SPPL2A: variants seen among roughly 807,000 people sequenced by gnomAD.
SPPL2A encodes the protein signal peptide peptidase like 2A.
A neutral mutation model predicts 63.8 loss-of-function variants in SPPL2A; 51 were observed. The observed-to-expected ratio is 0.80, with a 90% CI of 0.64 to 1.01. The LOEUF (loss-of-function observed/expected upper bound fraction) is 1.01. SPPL2A is among the 50% of genes least tolerant of loss of function. SPPL2A has a pLI of 0.00. For missense variants in SPPL2A, 553 were observed against 622.7 expected, an observed-to-expected ratio of 0.89 and a Z score of 1.19; for synonymous variants, 188 against 205.8, an observed-to-expected ratio of 0.91 and a Z score of 0.74.
At position 50,725,283 on chromosome 15, in the gene SPPL2A, G is replaced by A; in HGVS notation, c.1187C>T (p.Ser396Leu). 6.2e-7 allele frequency: 1 copy of A among 1,608,282 alleles called. No individual in the cohort carries two copies. Among genetic ancestry groups the A allele is most frequent in the Non-Finnish European group, 8.5e-7 (1 of 1,176,428 alleles). ...AGGCATGAGGCACACACTCATTACT[G>A]AGAAATAGATCAGTTTTGGTACTCT... Reference protein sequence around the residue: ...VIRVPKLIYFSVMSVCLMPVS... With the variant: ...VIRVPKLIYFLVMSVCLMPVS... The change falls in exon 12 of 15, where the codon TCA (serine) becomes TTA (leucine). Residue 396 changes from serine to leucine, a missense_variant. By Grantham distance (145) the Ser-to-Leu change is moderately radical (BLOSUM62 -2). Coordinates refer to ENST00000261854, the MANE Select transcript of SPPL2A (RefSeq NM_032802.4).
intron 14 of SPPL2A, among the ~76,000 whole-genome samples, chr15:50,712,755 G>A (rs563387673): frequency 7.2e-6 from 1 of 138,722 alleles, no homozygotes; most frequent in Non-Finnish European, 1.5e-5. Flanking sequence ...TCTCGATCTC[G>A]GCTCACTTCA....
intron 14 of SPPL2A, among the ~76,000 whole-genome samples, chr15:50,709,771 TAGAG>T (rs951009986): frequency 9.9e-5 from 15 of 151,090 alleles, no homozygotes; most frequent in African/African-American, 2.9e-4. Context: ...GCCTGGGCAA[TAGAG>T]AGAGAGACCC....
Position 50,722,205 on chromosome 15 carries a change from A to AAAAAC in SPPL2A, c.1250-9_1250-5dup, listed in dbSNP as rs764616424. 1.6e-5 allele frequency: 25 copies of AAAAAC among 1,552,948 alleles called. No individual in the cohort carries two copies. In the South Asian group the frequency reaches 2.7e-4, roughly 17 times the overall value. ...CTACAGTATGCAATCAACAGGCCTT[A>AAAAAC]AAAACAAAACAAAACATTATTTTCT... On this transcript the variant is annotated splice_polypyrimidine_tract_variant and splice_region_variant and intron_variant, in intron 12 of 14. Coordinates refer to ENST00000261854, the MANE Select transcript of SPPL2A (RefSeq NM_032802.4).
chr15:50,756,039 T>C (rs2062954750), intron 1 of SPPL2A, among the ~76,000 whole-genome samples: 1 of 151,926 alleles, frequency 6.6e-6, no homozygotes, highest in South Asian at 2.1e-4. Flanking sequence ...TCAATTAAGT[T>C]GGGAAACATA....
chr15:50,738,309 G>T (rs565096763), intron 6 of SPPL2A, among the ~76,000 whole-genome samples: 3 of 152,154 alleles, frequency 2.0e-5, no homozygotes, highest in African/African-American at 7.2e-5. Context: ...AGCACTTTGG[G>T]AGGCCAAGGC....
At chr15:50,731,218 T>G (rs1358892864) in intron 9 of SPPL2A, among the ~76,000 whole-genome samples, 179 bp from the exon 10 acceptor site, 1 of 152,214 alleles carries the variant, frequency 6.6e-6, no homozygotes, top group Non-Finnish European at 1.5e-5. Context: ...CTTATCTTCT[T>G]TATCTTATTT....
chr15:50,722,044 C>G (rs1053719336), intron 13 of SPPL2A, 80 bp downstream of exon 13: 1 of 801,324 alleles, frequency 1.2e-6, no homozygotes, highest in African/African-American at 1.7e-5. Context: ...AAACTGTACT[C>G]CTTCTTTATT....
intron 10 of SPPL2A, among the ~76,000 whole-genome samples, chr15:50,728,915 G>A (rs1331861336): frequency 6.6e-6 from 1 of 151,606 alleles, no homozygotes; most frequent in African/African-American, 2.4e-5. Context: ...GTGGGTTCAA[G>A]CGATTCTCCT....
At chr15:50,755,832 C>G (rs2062953225) in intron 1 of SPPL2A, among the ~76,000 whole-genome samples, 1 of 151,774 alleles carries the variant, frequency 6.6e-6, no homozygotes, top group Non-Finnish European at 1.5e-5. Flanking sequence ...GGTACTCAGG[C>G]TGGTCTCAAA....
rs773672701 is a variant in SPPL2A, at chr15:50,736,144, T to C, written c.889A>G (p.Ile297Val). 1 of 1,613,300 alleles carries C rather than the reference T, an allele frequency of 6.2e-7. No individual in the cohort carries two copies. Among genetic ancestry groups the C allele is most frequent in the Non-Finnish European group, 8.5e-7 (1 of 1,179,598 alleles). Residue 297 changes from isoleucine to valine, a missense_variant, in exon 8 of 15, where the codon ATA (isoleucine) becomes GTA (valine). Ile to Val is a conservative substitution (Grantham distance 29). Transcript: ENST00000261854. ...ACAGCCCAAACAACAGCTACTGCTA[T>C]GCACAGTCCAGAGAGAAAAATAAGT... ...VRLIFLSGLCIAVAVVWAVFR... is the reference protein window; with the variant it reads ...VRLIFLSGLCVAVAVVWAVFR...
chr15:50,718,272 C>T (rs1028872406), intron 14 of SPPL2A, among the ~76,000 whole-genome samples: 66 of 152,174 alleles, frequency 4.3e-4, no homozygotes, highest in African/African-American at 1.4e-3. Flanking sequence ...CCACCGCGAC[C>T]GGCTAGACTG....
At chr15:50,712,830 C>T (rs186344878) in intron 14 of SPPL2A, among the ~76,000 whole-genome samples, 5 of 152,028 alleles carry the variant, frequency 3.3e-5, no homozygotes, top group East Asian at 1.9e-4. Context: ...GGATTACAGG[C>T]GCCTGCCACC....
At chr15:50,750,439 A>G (rs533540068) in intron 1 of SPPL2A, among the ~76,000 whole-genome samples, 7 of 152,280 alleles carry the variant, frequency 4.6e-5, no homozygotes, top group African/African-American at 1.7e-4. Context: ...CTTACGTTCC[A>G]TATTCTACTA....
At chr15:50,741,924 T>C (rs1248839741) in intron 5 of SPPL2A, among the ~76,000 whole-genome samples, 1 of 150,502 alleles carries the variant, frequency 6.6e-6, no homozygotes, top group East Asian at 2.0e-4. Flanking sequence ...GAAGACCGCA[T>C]GCCACCGCAC....
chr15:50,764,752 T>C (rs1427697955), intron 1 of SPPL2A, among the ~76,000 whole-genome samples: 1 of 152,228 alleles, frequency 6.6e-6, no homozygotes, highest in Non-Finnish European at 1.5e-5. Context: ...TCTGTGACTA[T>C]GAAAACAAAT....
rs2062512855 is a variant in SPPL2A, at chr15:50,706,797, A to G, written c.*1003T>C. 6.6e-6 allele frequency: 1 copy of G among 150,766 alleles called. No individual in the cohort carries two copies. The highest frequency in any genetic ancestry group is 6.6e-5 in the Admixed American group (1 of 15,146). The allele number at this position is 150,766 out of a possible 1,614,324, so 9.3% of individuals were successfully genotyped here. A position where few individuals can be genotyped will look rare whatever the true frequency, so the allele number is the denominator to read the frequency against. ...AACTGAATGTTAGTACTGAAATTTA[A>G]GCTACATTTAAAAAAAAAAGGCTGT... On this transcript the variant is annotated 3_prime_UTR_variant, in exon 15 of 15. Coordinates refer to ENST00000261854, the MANE Select transcript of SPPL2A (RefSeq NM_032802.4).
intron 14 of SPPL2A, among the ~76,000 whole-genome samples, chr15:50,708,367 C>A (rs1371417746): frequency 6.6e-6 from 1 of 152,164 alleles, no homozygotes; most frequent in East Asian, 1.9e-4. Context: ...ATAATTTCTA[C>A]AAAAAATGAA....
chr15:50,757,480 C>T (rs1477874262), intron 1 of SPPL2A, among the ~76,000 whole-genome samples: 1 of 152,114 alleles, frequency 6.6e-6, no homozygotes, highest in Admixed American at 6.6e-5. Flanking sequence ...TACTGCTCAC[C>T]CCCAATCTTC....
chr15:50,750,457 G>C (rs2062896891), intron 1 of SPPL2A, among the ~76,000 whole-genome samples: 1 of 152,204 alleles, frequency 6.6e-6, no homozygotes, highest in East Asian at 1.9e-4. Context: ...CTAGGAACTA[G>C]GGTACAAAGA....
Sources: gnomAD v4.1 joint callset for allele counts (sites outside exome capture counted in the v4.1 genomes callset) on GRCh38, gnomAD v4.1.1 for gene constraint, MANE v1.5 for transcripts, NCBI Gene and HGNC (gene_info 2026-07-23, HGNC 2026-07-21) for gene names.